ELMOD1: variants seen among roughly 807,000 people sequenced by gnomAD.
ELMOD1 encodes ELMO domain containing 1, also known as ELMO domain-containing protein 1.
Under a neutral mutation model 46.7 loss-of-function variants are expected in ELMOD1, and 21 were observed. That is an observed-to-expected ratio of 0.45 (90% CI 0.32 to 0.65). The LOEUF is 0.65. Among genes scored for constraint, ELMOD1 ranks in the 30% least tolerant of loss-of-function variants. The pLI is 0.04. For missense variants in ELMOD1, 348 were observed against 407.8 expected, an observed-to-expected ratio of 0.85 and a Z score of 1.26; for synonymous variants, 122 against 138.2, an observed-to-expected ratio of 0.88 and a Z score of 0.82.
chr11:107,611,620 G>A (rs1033236045), intron 1 of ELMOD1, among the ~76,000 whole-genome samples: 5 of 150,972 alleles, frequency 3.3e-5, no homozygotes, highest in Admixed American at 2.0e-4. Context: ...CAGGAGAATG[G>A]CGTGAACCTG....
chr11:107,650,258 C>T, intron 7 of ELMOD1, 77 bp from the exon 8 acceptor site: 1 of 1,078,504 alleles, frequency 9.3e-7, no homozygotes, highest in Non-Finnish European at 1.4e-6. Context: ...TCAAAATGAC[C>T]TCGAATTGGA....
intron 2 of ELMOD1, among the ~76,000 whole-genome samples, chr11:107,619,602 C>A (rs1053139332): frequency 1.4e-4 from 21 of 152,106 alleles, no homozygotes; most frequent in Admixed American, 1.3e-3. Context: ...TCCTCGATGT[C>A]TTATTTGTTT....
chr11:107,604,240 A>T (rs967151037), intron 1 of ELMOD1, among the ~76,000 whole-genome samples: 3 of 152,280 alleles, frequency 2.0e-5, no homozygotes, highest in African/African-American at 7.2e-5. Flanking sequence ...AGGGACTGTG[A>T]TAGGGCAAGG....
intron 1 of ELMOD1, among the ~76,000 whole-genome samples, chr11:107,611,497 G>A (rs1046937520): frequency 2.0e-5 from 3 of 151,926 alleles, no homozygotes; most frequent in African/African-American, 4.8e-5. Context: ...TCAGGAGATC[G>A]AGACCATCCT....
intron 2 of ELMOD1, among the ~76,000 whole-genome samples, chr11:107,626,138 C>T (rs1866036406): frequency 6.6e-6 from 1 of 151,932 alleles, no homozygotes; most frequent in African/African-American, 2.4e-5. Context: ...ATGAAGAAAA[C>T]TAAGTCTAGT....
At chr11:107,659,922 G>C (rs889901996) in intron 11 of ELMOD1, among the ~76,000 whole-genome samples, 2 of 152,056 alleles carry the variant, frequency 1.3e-5, no homozygotes, top group African/African-American at 4.8e-5. Context: ...ATTAGTCTTG[G>C]CCTGGATTGA....
intron 1 of ELMOD1, among the ~76,000 whole-genome samples, chr11:107,617,522 A>C (rs1247445181): frequency 6.6e-6 from 1 of 152,222 alleles, no homozygotes; most frequent in Non-Finnish European, 1.5e-5. Context: ...GCAAATCATA[A>C]ACCAAAAAGT....
At position 107,665,175 on chromosome 11, in the gene ELMOD1, C is replaced by T. The variant is rs762118413; in HGVS notation, c.983C>T (p.Ser328Leu). 16 of 1,613,926 alleles carry T rather than the reference C, an allele frequency of 9.9e-6. No homozygotes were observed. The Middle Eastern group carries it at 9.9e-4, about 100-fold the overall frequency. The change falls in exon 12 of 12, where the codon TCG becomes TTG. Residue 328 changes from serine (S) to leucine (L), a missense_variant. Coordinates refer to ENST00000265840, the MANE Select transcript of ELMOD1 (RefSeq NM_018712.4). ...GCGCTGTGCCCACATTTTGCTGCCT[C>T]GGAAGGTTTAATCAACATGTAGTTG... ...DMALCPHFAA[S>L]EGLINM
At chr11:107,643,370 A>G (rs1300857996) in intron 6 of ELMOD1, 3 of 149,042 alleles carry the variant, frequency 2.0e-5, no homozygotes, top group Non-Finnish European at 4.3e-5. Flanking sequence ...CCATCTAGGA[A>G]AAAAAAAAAA....
intron 11 of ELMOD1, among the ~76,000 whole-genome samples, chr11:107,658,771 T>A (rs1221844577): frequency 1.3e-5 from 2 of 152,114 alleles, no homozygotes; most frequent in Non-Finnish European, 2.9e-5. Context: ...CCTGTCTCTA[T>A]GAAAAATACA....
chr11:107,613,491 G>T (rs573149888), intron 1 of ELMOD1, among the ~76,000 whole-genome samples: 5 of 152,074 alleles, frequency 3.3e-5, no homozygotes, highest in Non-Finnish European at 4.4e-5. Context: ...TAATAGGAAG[G>T]CTCTTTTACT....
intron 1 of ELMOD1, among the ~76,000 whole-genome samples, chr11:107,609,641 C>T (rs762106503): frequency 3.3e-5 from 5 of 152,060 alleles, no homozygotes; most frequent in Non-Finnish European, 7.4e-5. Context: ...TGATGCCGGG[C>T]GAGAGGATGA....
At position 107,655,980 on chromosome 11, in the gene ELMOD1, A is replaced by C. The variant is rs370522720; in HGVS notation, c.746A>C (p.Asn249Thr). 1.9e-6 allele frequency: 3 copies of C among 1,599,218 alleles called. No homozygotes were observed. Among genetic ancestry groups the C allele is most frequent in the Non-Finnish European group, 2.6e-6 (3 of 1,171,644 alleles). ...VGINITDLAY[N>T]LLVSGALKTH... Reference sequence around the variant, plus strand: ...ATCAATATAACTGACCTGGCATATAATCTACTGGTCAGCGGAGCTCTAAAA... The same window carrying C: ...ATCAATATAACTGACCTGGCATATACTCTACTGGTCAGCGGAGCTCTAAAA... Residue 249 changes from asparagine (N) to threonine (T), a missense_variant, in exon 11 of 12, where the codon AAT becomes ACT. By Grantham distance (65) the Asn-to-Thr change is moderately conservative. Transcript: ENST00000265840.
intron 10 of ELMOD1, 83 bp downstream of exon 10, chr11:107,654,305 T>C (rs1866582534): frequency 8.4e-7 from 1 of 1,189,792 alleles, no homozygotes; most frequent in South Asian, 1.3e-5. Flanking sequence ...AAGACAAGGG[T>C]GAAACTCTAC....
At chr11:107,612,430 A>T (rs1354360463) in intron 1 of ELMOD1, among the ~76,000 whole-genome samples, 1 of 152,214 alleles carries the variant, frequency 6.6e-6, no homozygotes, top group African/African-American at 2.4e-5. Context: ...GGGTGACAGG[A>T]TCGATTGTAC....
At chr11:107,636,932 T>C (rs1442338565) in intron 6 of ELMOD1, among the ~76,000 whole-genome samples, 1 of 151,818 alleles carries the variant, frequency 6.6e-6, no homozygotes. Flanking sequence ...AGAAAAGAGG[T>C]GTTGTAATTA....
chr11:107,603,306 AGGT>A (rs1239040312), intron 1 of ELMOD1, among the ~76,000 whole-genome samples: 1 of 152,232 alleles, frequency 6.6e-6, no homozygotes, highest in Admixed American at 6.5e-5. Flanking sequence ...TGGGAGGCCA[AGGT>A]GGGCACATCG....
At chr11:107,592,379 A>G in intron 1 of ELMOD1, 1 of 534,498 alleles carries the variant, frequency 1.9e-6, no homozygotes, top group South Asian at 1.4e-5. Context: ...TGAGTCTGTC[A>G]TTTGGAGAGA....
intron 5 of ELMOD1, among the ~76,000 whole-genome samples, chr11:107,633,638 G>A (rs1000209404): frequency 6.6e-6 from 1 of 152,064 alleles, no homozygotes. Context: ...TTACCGTGTT[G>A]GCCAGGCTGG....
Sources: gnomAD v4.1 joint callset for allele counts (sites outside exome capture counted in the v4.1 genomes callset) on GRCh38, gnomAD v4.1.1 for gene constraint, MANE v1.5 for transcripts, NCBI Gene and HGNC (gene_info 2026-07-23, HGNC 2026-07-21) for gene names.